SLC15A4: variants seen among roughly 807,000 people sequenced by gnomAD.
SLC15A4 encodes the protein hPHT1.
A neutral mutation model predicts 46.1 loss-of-function variants in SLC15A4; 26 were observed. The observed-to-expected ratio is 0.56, with a 90% CI of 0.41 to 0.78. The LOEUF (loss-of-function observed/expected upper bound fraction) is 0.78. SLC15A4 is among the 30% of genes least tolerant of loss of function. The pLI, the probability that SLC15A4 is intolerant of heterozygous loss-of-function variation, is 0.00. For missense variants in SLC15A4, 751 were observed against 755.7 expected, an observed-to-expected ratio of 0.99 and a Z score of 0.07; for synonymous variants, 370 against 333.4, an observed-to-expected ratio of 1.11 and a Z score of -1.20.
At chr12:128,794,900 A>C (rs1955427597) in intron 7 of SLC15A4, among the ~76,000 whole-genome samples, 1 of 152,200 alleles carries the variant, frequency 6.6e-6, no homozygotes, top group African/African-American at 2.4e-5. Flanking sequence ...AACAAGTGTT[A>C]GCCGGTCTGG....
chr12:128,809,658 A>C, intron 3 of SLC15A4, 185 bp from the exon 4 acceptor site: 1 of 554,858 alleles, frequency 1.8e-6, no homozygotes, highest in Admixed American at 3.6e-5. Flanking sequence ...CTGGAGATCA[A>C]TTTTGAAAAA....
chr12:128,823,782 G>C lies in SLC15A4; in HGVS notation c.162C>G (p.Ile54Met). ...ELLERAAFYGITSNLVLFLNG... is the reference protein window; with the variant it reads ...ELLERAAFYGMTSNLVLFLNG... The stretch of plus-strand genomic sequence containing the variant: ...TCAGGAATAGCACCAGGTTGGACGT[G>C]ATGCCGTAGAAAGCGGCGCGCTCCA... The change falls in exon 1 of 8, where the codon ATC becomes ATG. Residue 54 changes from isoleucine to methionine, a missense_variant. Coordinates refer to ENST00000266771, the MANE Select transcript of SLC15A4 (RefSeq NM_145648.4). 1.3e-6 allele frequency: 2 copies of C among 1,517,022 alleles called. No individual in the cohort carries two copies. The highest frequency in any genetic ancestry group is 2.4e-5 in the South Asian group (2 of 82,396). The allele number at this position is 1,517,022 out of a possible 1,614,324, so 94.0% of individuals were successfully genotyped here.
At chr12:128,800,652 C>T (rs994610013) in intron 6 of SLC15A4, among the ~76,000 whole-genome samples, 6 of 152,172 alleles carry the variant, frequency 3.9e-5, no homozygotes, top group African/African-American at 4.8e-5. Flanking sequence ...AAATATTTTG[C>T]GATACTGTTT....
intron 1 of SLC15A4, 136 bp downstream of exon 1, chr12:128,823,262 C>T: frequency 3.6e-6 from 3 of 840,100 alleles, no homozygotes; most frequent in Non-Finnish European, 5.0e-6. Flanking sequence ...TGGCGGGATT[C>T]CTCGGCACTA....
intron 7 of SLC15A4, among the ~76,000 whole-genome samples, chr12:128,794,594 C>CA (rs1393231997): frequency 1.3e-5 from 2 of 152,214 alleles, no homozygotes; most frequent in Non-Finnish European, 2.9e-5. Context: ...TGCAGCCCCC[C>CA]ACCTGCCCCT....
rs554021924 is a variant in SLC15A4, at chr12:128,793,987, C to T, written c.*209G>A. ...TACTCGAAATCTGCAGCTCTCCTCC[C>T]GGAGGGCCCAGCGTGCCAGGAGACA... On this transcript the variant is annotated 3_prime_UTR_variant, in exon 8 of 8. Transcript: ENST00000266771. 10 of 417,252 alleles carry T rather than the reference C, an allele frequency of 2.4e-5. No homozygotes were observed. The highest frequency in any genetic ancestry group is 1.2e-4 in the Admixed American group (3 of 24,118). 25.8% of individuals were successfully genotyped at this position (417,252 alleles called of 1,614,324 possible).
In SLC15A4 at chr12:128,818,078, G is replaced by GAA. The variant is rs35552623; in HGVS notation, c.547-3010_547-3009dup. 8.1e-3 allele frequency among the ~76,000 whole-genome samples: 1,165 copies of GAA among 143,696 alleles called. 13 individuals carry two copies. The highest frequency in any genetic ancestry group is 0.028 in the African/African-American group (1,095 of 38,714). The allele number at this position is 143,696 out of a possible 152,430, so 94.3% of individuals were successfully genotyped here. A position where few individuals can be genotyped will look rare whatever the true frequency, so the allele number is the denominator to read the frequency against. On this transcript the variant is annotated intron_variant, in intron 1 of 7. Transcript: ENST00000266771. ...AAATGGGGTGTCAGTTTTTCCTCTA[G>GAA]AAAAAAAAAAAATGCATCATTTGCT...
chr12:128,810,239 T>A, intron 2 of SLC15A4, 128 bp from the exon 3 acceptor site: 1 of 825,156 alleles, frequency 1.2e-6, no homozygotes, highest in Non-Finnish European at 1.9e-6. Flanking sequence ...ATTCCATCAC[T>A]TACTAATTGT....
At chr12:128,805,332 A>G (rs1955571552) in intron 5 of SLC15A4, among the ~76,000 whole-genome samples, 2 of 152,184 alleles carry the variant, frequency 1.3e-5, no homozygotes, top group Non-Finnish European at 2.9e-5. Context: ...AATTATTACA[A>G]AGACAGAAAA....
At chr12:128,805,147 AC>A (rs574422729) in intron 5 of SLC15A4, among the ~76,000 whole-genome samples, 58 of 151,504 alleles carry the variant, frequency 3.8e-4, no homozygotes, top group Middle Eastern at 3.4e-3. Flanking sequence ...ATCCTTGGAT[AC>A]CCCCCCCAAA....
At chr12:128,820,145 C>T (rs983610197) in intron 1 of SLC15A4, among the ~76,000 whole-genome samples, 1 of 152,214 alleles carries the variant, frequency 6.6e-6, no homozygotes, top group Non-Finnish European at 1.5e-5. Context: ...CTACCAGCCC[C>T]GTTCCTTCAT....
intron 7 of SLC15A4, among the ~76,000 whole-genome samples, chr12:128,797,253 G>C (rs553746002): frequency 6.6e-6 from 1 of 151,954 alleles, no homozygotes; most frequent in Non-Finnish European, 1.5e-5. Context: ...CGGCTCGTAC[G>C]AAGGAGCAGT....
At position 128,794,325 on chromosome 12, in the gene SLC15A4, G is replaced by A; in HGVS notation, c.1605C>T (p.Tyr535=). Residue 535 remains tyrosine (Y), a synonymous_variant, in exon 8 of 8, where the codon TAC becomes TAT. Transcript: ENST00000266771. ...CTTGAATAGCAGCCAGAAGAAAAAA[G>A]TAATAGTTCAAATAGCAGCCGTTAA... ...GNINGCYLNY[Y]FFLLAAIQGA... The A allele has an allele frequency of 6.3e-7, 1 of 1,594,564 alleles. No homozygotes were observed. The highest frequency in any genetic ancestry group is 1.7e-5 in the Admixed American group (1 of 59,216).
At chr12:128,812,344 C>T (rs769787921) in intron 2 of SLC15A4, among the ~76,000 whole-genome samples, 7 of 151,636 alleles carry the variant, frequency 4.6e-5, no homozygotes, top group Non-Finnish European at 8.8e-5. Context: ...GTTTTTGAGA[C>T]GGAGTCTCGC....
chr12:128,798,203 G>A (rs1955469567), intron 7 of SLC15A4, among the ~76,000 whole-genome samples: 1 of 152,222 alleles, frequency 6.6e-6, no homozygotes, highest in East Asian at 1.9e-4. Flanking sequence ...TATGGACTTT[G>A]GTCTTTCTTT....
At position 128,803,098 on chromosome 12, in the gene SLC15A4, G is replaced by A. The variant is rs138642080; in HGVS notation, c.1259-2089C>T. ...AGTAAAAACAAGCATGGGATGCGACGCTGGATAATCAACACAGCAGTCAGG... is the reference window on the plus strand; with the variant it reads ...AGTAAAAACAAGCATGGGATGCGACACTGGATAATCAACACAGCAGTCAGG... On this transcript the variant is annotated intron_variant, in intron 5 of 7. Coordinates refer to ENST00000266771, the MANE Select transcript of SLC15A4 (RefSeq NM_145648.4). Among the ~76,000 whole-genome samples the A allele has an allele frequency of 9.2e-3, 1,306 of 142,016 alleles. 9 individuals are homozygous for A. The highest frequency in any genetic ancestry group is 0.018 in the Middle Eastern group (5 of 280). The allele number at this position is 142,016 out of a possible 152,430, so 93.2% of individuals were successfully genotyped here.
intron 1 of SLC15A4, among the ~76,000 whole-genome samples, 162 bp downstream of exon 1, chr12:128,823,236 G>C (rs1955875095): frequency 6.6e-6 from 1 of 152,230 alleles, no homozygotes; most frequent in South Asian, 2.1e-4. Flanking sequence ...GGTACCTCCA[G>C]TCTTGGCCCA....
At position 128,823,917 on chromosome 12, in the gene SLC15A4, G is replaced by T. The variant is rs1447873082; in HGVS notation, c.27C>A (p.Gly9=). The change falls in exon 1 of 8, where the codon GGC becomes GGA. Residue 9 remains glycine, a synonymous_variant. Transcript: ENST00000266771. The part of the protein sequence containing the change: MEGSGGGA[G]ERAPLLGARR... ...GCGCGCCCAGCAGCGGCGCCCGCTC[G>T]CCCGCACCGCCCCCAGAGCCCTCCA... 2 of 734,508 alleles carry T rather than the reference G, an allele frequency of 2.7e-6. No individual in the cohort carries two copies. Among genetic ancestry groups the T allele is most frequent in the Non-Finnish European group, 3.3e-6 (2 of 603,066 alleles). 45.5% of individuals were successfully genotyped at this position (734,508 alleles called of 1,614,324 possible).
At chr12:128,809,010 T>TG in intron 4 of SLC15A4, 54 bp from the exon 5 acceptor site, 1 of 1,544,730 alleles carries the variant, frequency 6.5e-7, no homozygotes, top group Non-Finnish European at 8.8e-7. Context: ...GGCCATCACC[T>TG]GTCTAGAGAA....
Sources: allele counts gnomAD v4.1 joint callset (sites outside exome capture counted in the v4.1 genomes callset), GRCh38; gene constraint gnomAD v4.1.1; transcripts MANE v1.5; gene names NCBI Gene and HGNC (gene_info 2026-07-23, HGNC 2026-07-21).